Variants in LINC00632 observed in about 807,000 individuals in gnomAD.
LINC00632 encodes the protein long independently transcribed non-coding RNA 632, also known as ALDOA related specific transcript.
At position 140,751,421 on chromosome X, in the gene LINC00632, G is replaced by A. The variant is rs746485746; in HGVS notation, n.191+17457G>A. 2.5e-3 allele frequency among the ~76,000 whole-genome samples: 277 copies of A among 109,866 alleles called. 3 individuals are homozygous for A. The highest frequency in any genetic ancestry group is 4.5e-3 in the Non-Finnish European group (237 of 52,790). On this transcript the variant is annotated intron_variant and non_coding_transcript_variant, in intron 3 of 4. Transcript: ENST00000648200. ...ATGTTTGTTGGCTGTTTGTATATCCGATAGAGGACTATTTAATCTGGGAAA... is the reference window on the plus strand; with the variant it reads ...ATGTTTGTTGGCTGTTTGTATATCCAATAGAGGACTATTTAATCTGGGAAA...
exon 5 of LINC00632, among the ~76,000 whole-genome samples, chrX:140,791,293 G>T (rs1932104229): frequency 8.9e-6 from 1 of 112,125 alleles, no homozygotes; most frequent in Non-Finnish European, 1.9e-5. Context: ...ATCCATTAAT[G>T]TAGTTAATTA....
At chrX:140,738,868 T>C (rs1383531384) in intron 3 of LINC00632, among the ~76,000 whole-genome samples, 4 of 112,030 alleles carry the variant, frequency 3.6e-5, no homozygotes, top group Admixed American at 9.5e-5. Context: ...ACAGTGCTGG[T>C]CTAAAGTTTA....
chrX:140,762,213 G>A (rs1400423125), intron 3 of LINC00632, among the ~76,000 whole-genome samples: 5 of 79,538 alleles, frequency 6.3e-5, no homozygotes, highest in African/African-American at 2.4e-4. Flanking sequence ...TTCGAAAAGA[G>A]AGAGAGAGAG....
intron 2 of LINC00632, among the ~76,000 whole-genome samples, chrX:140,729,633 T>C (rs1931024190): frequency 9.0e-6 from 1 of 110,681 alleles, no homozygotes; most frequent in South Asian, 3.8e-4. Flanking sequence ...CTGCATATAA[T>C]TGAATCCAGA....
At chrX:140,726,054 G>A (rs1602737286) in intron 2 of LINC00632, among the ~76,000 whole-genome samples, 1 of 110,681 alleles carries the variant, frequency 9.0e-6, no homozygotes, top group Non-Finnish European at 1.9e-5. Context: ...ACAGGGGCAT[G>A]CCACACAATT....
intron 2 of LINC00632, among the ~76,000 whole-genome samples, chrX:140,730,570 C>T (rs1431513376): frequency 1.8e-5 from 2 of 109,617 alleles, no homozygotes; most frequent in Admixed American, 2.0e-4. Context: ...ATACTCATAC[C>T]TTAGACTCAT....
chrX:140,776,449 C>G (rs777099867), exon 5 of LINC00632, among the ~76,000 whole-genome samples: 3 of 113,022 alleles, frequency 2.7e-5, no homozygotes, highest in Admixed American at 9.2e-5. Context: ...TGTCTGCCTG[C>G]GTGCTCAGGG....
exon 5 of LINC00632, chrX:140,783,207 A>G: frequency 5.1e-6 from 1 of 195,659 alleles, no homozygotes; most frequent in East Asian, 1.2e-4. Context: ...AAGGTCTTCC[A>G]ACAACTCCGG....
intron 3 of LINC00632, among the ~76,000 whole-genome samples, chrX:140,768,347 C>A (rs914248501): frequency 9.2e-6 from 1 of 108,449 alleles, no homozygotes; most frequent in Non-Finnish European, 1.9e-5. Context: ...AAGGGTAGAT[C>A]GAAGACCTCA....
intron 3 of LINC00632, among the ~76,000 whole-genome samples, chrX:140,743,573 TAA>T (rs1309923542): frequency 9.0e-6 from 1 of 111,145 alleles, no homozygotes; most frequent in Non-Finnish European, 1.9e-5. Flanking sequence ...AAAAAAAAGG[TAA>T]AGACAGCCTT....
exon 5 of LINC00632, chrX:140,783,408 A>C: frequency 1.9e-6 from 1 of 524,311 alleles, no homozygotes; most frequent in Non-Finnish European, 3.1e-6. Flanking sequence ...GTCTTCCACC[A>C]AATCCAGATC....
chrX:140,724,896 A>G (rs867063276), intron 2 of LINC00632, among the ~76,000 whole-genome samples: 2 of 69,704 alleles, frequency 2.9e-5, no homozygotes, highest in African/African-American at 5.1e-5. Flanking sequence ...TTCCATACAC[A>G]CACACACACA....
intron 2 of LINC00632, among the ~76,000 whole-genome samples, chrX:140,725,900 C>A (rs1930952397): frequency 9.0e-6 from 1 of 111,499 alleles, no homozygotes; most frequent in South Asian, 3.8e-4. Flanking sequence ...GAAACACATC[C>A]CATGACACCC....
chrX:140,781,618 T>A (rs1931934955), exon 5 of LINC00632, among the ~76,000 whole-genome samples: 1 of 111,467 alleles, frequency 9.0e-6, no homozygotes, highest in Non-Finnish European at 1.9e-5. Flanking sequence ...TCTCTGCTTG[T>A]TCTCTATGTG....
chrX:140,723,685 C>A (rs867061772), intron 2 of LINC00632, among the ~76,000 whole-genome samples: 1 of 355 alleles, frequency 2.8e-3, no homozygotes, highest in Non-Finnish European at 0.011. Flanking sequence ...TCCATACACA[C>A]ACATAGACAC....
At chrX:140,720,619 C>T (rs1472893302) in intron 2 of LINC00632, among the ~76,000 whole-genome samples, 1 of 111,986 alleles carries the variant, frequency 8.9e-6, no homozygotes, top group Non-Finnish European at 1.9e-5. Flanking sequence ...CTAAGACTTG[C>T]TGTAACACAT....
chrX:140,769,404 A>G (rs1931751475), intron 3 of LINC00632, among the ~76,000 whole-genome samples: 1 of 110,806 alleles, frequency 9.0e-6, no homozygotes, highest in Non-Finnish European at 1.9e-5. Context: ...TCTGTCTTCT[A>G]TTTGCAAGTG....
intron 3 of LINC00632, among the ~76,000 whole-genome samples, chrX:140,735,022 C>T (rs750537354): frequency 4.5e-5 from 5 of 111,251 alleles, no homozygotes; most frequent in African/African-American, 1.3e-4. Context: ...GCCTCAGCCT[C>T]CCAAAGTGCT....
chrX:140,777,498 T>C (rs575767320), exon 5 of LINC00632, among the ~76,000 whole-genome samples: 2 of 112,422 alleles, frequency 1.8e-5, no homozygotes, highest in African/African-American at 6.5e-5. Context: ...ATCAGAGTAA[T>C]GATAGAAAGC....
Sources: allele counts gnomAD v4.1 joint callset (sites outside exome capture counted in the v4.1 genomes callset), GRCh38; gene constraint gnomAD v4.1.1; transcripts MANE v1.5; gene names NCBI Gene and HGNC (gene_info 2026-07-23, HGNC 2026-07-21).